The following NRXN1 variants were observed in gnomAD, a reference collection of about 807,000 sequenced individuals.
The protein encoded by NRXN1 is neurexin 1, also known as neurexin-1.
Under a neutral mutation model 150.9 loss-of-function variants are expected in NRXN1, and 39 were observed. The ratio of observed to expected loss-of-function variants is 0.26; its 90% CI spans 0.20 to 0.34. NRXN1 has a LOEUF of 0.34. Among genes scored for constraint, NRXN1 ranks in the 10% least tolerant of loss-of-function variants. The pLI is 1.00. For missense variants in NRXN1, 1,815 were observed against 1,949.9 expected (o/e 0.93, Z 1.30); for synonymous variants, 924 against 757.0 (o/e 1.22, Z -3.62).
chr2:50,396,381 A>C (rs2082051771), intron 17 of NRXN1, among the ~76,000 whole-genome samples: 1 of 152,206 alleles, frequency 6.6e-6, no homozygotes, highest in Admixed American at 6.5e-5. Context: ...TTTGTGATCT[A>C]AAATTGTATT....
At chr2:50,099,613 T>C (rs999672264) in intron 18 of NRXN1, among the ~76,000 whole-genome samples, 2 of 152,214 alleles carry the variant, frequency 1.3e-5, no homozygotes, top group African/African-American at 4.8e-5. Context: ...ATTGTTGTTA[T>C]TCATCACTTT....
chr2:50,879,195 T>C (rs1169909162), intron 5 of NRXN1, among the ~76,000 whole-genome samples: 3 of 151,832 alleles, frequency 2.0e-5, no homozygotes, highest in South Asian at 4.1e-4. Flanking sequence ...TAGACTGCAA[T>C]ATAGAAATTC....
At chr2:50,365,942 C>T (rs533110645) in intron 17 of NRXN1, among the ~76,000 whole-genome samples, 58 of 152,068 alleles carry the variant, frequency 3.8e-4, no homozygotes, top group African/African-American at 1.2e-3. Context: ...CCAAATTAGA[C>T]GACTGCAGGT....
chr2:50,562,587 T>C (rs921540567), intron 8 of NRXN1, among the ~76,000 whole-genome samples: 1 of 152,182 alleles, frequency 6.6e-6, no homozygotes, highest in Non-Finnish European at 1.5e-5. Context: ...ATGATATATG[T>C]ATTATTTTTA....
chr2:49,979,519 GGCT>G (rs1321333272), intron 21 of NRXN1, among the ~76,000 whole-genome samples: 2 of 152,116 alleles, frequency 1.3e-5, no homozygotes, highest in East Asian at 1.9e-4. Flanking sequence ...GAATTTAAGT[GGCT>G]GCTGAAGTTT....
At chr2:50,636,813 C>T (rs1432514948) in intron 5 of NRXN1, among the ~76,000 whole-genome samples, 2 of 152,126 alleles carry the variant, frequency 1.3e-5, no homozygotes, top group African/African-American at 4.8e-5. Flanking sequence ...AATGGATTTG[C>T]TAGTGTTACA....
chr2:50,989,335 T>C (rs899010625), intron 2 of NRXN1, among the ~76,000 whole-genome samples: 18 of 152,022 alleles, frequency 1.2e-4, no homozygotes, highest in African/African-American at 3.9e-4. Context: ...TTATGAGATA[T>C]AATTTACATA....
At chr2:50,482,183 C>T (rs1558807206) in intron 15 of NRXN1, among the ~76,000 whole-genome samples, 1 of 152,116 alleles carries the variant, frequency 6.6e-6, no homozygotes. Flanking sequence ...GTTTGGCCAA[C>T]AGACTGTGAG....
At chr2:50,323,409 C>G (rs1219976918) in intron 17 of NRXN1, among the ~76,000 whole-genome samples, 1 of 151,980 alleles carries the variant, frequency 6.6e-6, no homozygotes, top group African/African-American at 2.4e-5. Context: ...AGTCTGCCTC[C>G]CACTATGAGA....
chr2:50,961,987 T>A (rs11886723), intron 2 of NRXN1, among the ~76,000 whole-genome samples: 77,052 of 150,676 alleles, frequency 0.51, 20,211 homozygotes, highest in East Asian at 0.76. Flanking sequence ...AGAAGAAAAA[T>A]TTAAATAAAA....
At chr2:50,423,534 C>A (rs2084168701) in intron 17 of NRXN1, among the ~76,000 whole-genome samples, 2 of 152,062 alleles carry the variant, frequency 1.3e-5, no homozygotes, top group South Asian at 4.2e-4. Context: ...AGCATCATAC[C>A]AGTTCCATTG....
At chr2:51,009,348 A>T (rs895911188) in intron 2 of NRXN1, 1 of 152,034 alleles carries the variant, frequency 6.6e-6, no homozygotes, top group South Asian at 2.1e-4. Flanking sequence ...CAACAAATGC[A>T]TATTTGGAAA....
intron 5 of NRXN1, among the ~76,000 whole-genome samples, chr2:50,759,165 A>G (rs1200269003): frequency 6.6e-6 from 1 of 152,002 alleles, no homozygotes; most frequent in Non-Finnish European, 1.5e-5. Context: ...TAATAGTGAC[A>G]AATTGTAGAT....
chr2:50,774,097 G>A (rs1188792129), intron 5 of NRXN1, among the ~76,000 whole-genome samples: 1 of 152,090 alleles, frequency 6.6e-6, no homozygotes, highest in Admixed American at 6.6e-5. Flanking sequence ...AATGCTGGCA[G>A]GAGGCTCAGT....
intron 18 of NRXN1, among the ~76,000 whole-genome samples, chr2:50,136,059 T>C (rs1706356428): frequency 6.6e-6 from 1 of 152,226 alleles, no homozygotes; most frequent in South Asian, 2.1e-4. Flanking sequence ...CTTTATTCTG[T>C]TCTCATTTTC....
At chr2:50,896,655 T>A (rs1239570539) in intron 5 of NRXN1, among the ~76,000 whole-genome samples, 1 of 152,132 alleles carries the variant, frequency 6.6e-6, no homozygotes, top group East Asian at 1.9e-4. Context: ...AAGATCAGAC[T>A]GGCCAACATG....
intron 5 of NRXN1, among the ~76,000 whole-genome samples, chr2:50,816,911 C>T (rs1186645078): frequency 6.6e-6 from 1 of 151,942 alleles, no homozygotes; most frequent in East Asian, 1.9e-4. Flanking sequence ...ACAAATAATA[C>T]GGATTTTTTT....
chr2:50,358,244 C>A (rs1415908731), intron 17 of NRXN1, among the ~76,000 whole-genome samples: 1 of 152,204 alleles, frequency 6.6e-6, no homozygotes, highest in African/African-American at 2.4e-5. Flanking sequence ...ATTCACTCCC[C>A]TGGAAAGGGG....
chr2:50,209,602 C>G (rs1247622800), intron 18 of NRXN1, among the ~76,000 whole-genome samples: 4 of 152,040 alleles, frequency 2.6e-5, no homozygotes, highest in Non-Finnish European at 5.9e-5. Flanking sequence ...TTAAATAAAA[C>G]AAACAAAATT....
Sources: allele counts gnomAD v4.1 joint callset (sites outside exome capture counted in the v4.1 genomes callset), GRCh38; gene constraint gnomAD v4.1.1; transcripts MANE v1.5; gene names NCBI Gene and HGNC (gene_info 2026-07-23, HGNC 2026-07-21).